The following FCRL1 variants were observed in gnomAD, a reference collection of about 807,000 sequenced individuals.
FCRL1 encodes Fc receptor-like protein 1.
In FCRL1, 34 loss-of-function variants were observed where a neutral mutation model predicts 49.2. The observed-to-expected ratio is 0.69, with a 90% CI of 0.53 to 0.92. FCRL1 has a LOEUF of 0.92. Among genes scored for constraint, FCRL1 ranks in the 40% least tolerant of loss-of-function variants. The pLI is 0.00. For synonymous variants in FCRL1, 218 were observed against 201.6 expected (o/e 1.08, Z -0.69); for missense variants, 524 against 524.1 (o/e 1.00, Z 0.00).
At position 157,796,067 on chromosome 1, in the gene FCRL1, A is replaced by G. The variant is rs1557886839; in HGVS notation, c.*32T>C. On this transcript the variant is annotated 3_prime_UTR_variant, in exon 11 of 11. Transcript: ENST00000368176. ...TCAGGCCTGAGGCTTGGGGTCATGG[A>G]TGGTTTTCAAAGAGCAGAATCTTCC... 3.8e-6 allele frequency: 6 copies of G among 1,589,388 alleles called. No homozygotes were observed. The highest frequency in any genetic ancestry group is 2.2e-5 in the East Asian group (1 of 44,772).
At position 157,820,062 on chromosome 1, in the gene FCRL1, T is replaced by C. The variant is rs1273087205; in HGVS notation, c.-25A>G. 2.5e-6 allele frequency: 4 copies of C among 1,613,930 alleles called. No individual in the cohort carries two copies. The South Asian group carries it at 4.4e-5, about 18-fold the overall frequency. ...TGAGGACCAGGTCAGGGATGGTACC[T>C]AGAGATGCCTCTCATCAAAAAAAGA... On this transcript the variant is annotated 5_prime_UTR_variant, in exon 1 of 11. Transcript: ENST00000368176.
At chr1:157,814,863 G>C (rs868610870) in intron 1 of FCRL1, among the ~76,000 whole-genome samples, 1 of 151,790 alleles carries the variant, frequency 6.6e-6, no homozygotes, top group Non-Finnish European at 1.5e-5. Flanking sequence ...CACAAAGAAG[G>C]CCATTGTATA....
chr1:157,798,304 A>C, intron 7 of FCRL1, 61 bp from the exon 8 acceptor site: 9 of 1,361,116 alleles, frequency 6.6e-6, no homozygotes, highest in Non-Finnish European at 9.2e-6. Context: ...TGCAGATATC[A>C]CACTGAAGGA....
intron 10 of FCRL1, 110 bp downstream of exon 10, chr1:157,796,991 G>A (rs1651594715): frequency 1.0e-6 from 1 of 994,960 alleles, no homozygotes; most frequent in East Asian, 2.4e-5. Context: ...TAGGGAAGAG[G>A]TAGACCATGG....
intron 1 of FCRL1, among the ~76,000 whole-genome samples, chr1:157,818,662 G>A (rs1341191537): frequency 1.3e-5 from 2 of 151,732 alleles, no homozygotes; most frequent in Non-Finnish European, 2.9e-5. Context: ...TGAGGCGTTG[G>A]AAAAAAAATT....
In FCRL1 at chr1:157,803,915, T is replaced by C. The variant is rs771928574; in HGVS notation, c.249A>G (p.Ser83=). 1.9e-6 allele frequency: 3 copies of C among 1,614,238 alleles called. No homozygotes were observed. Among genetic ancestry groups the C allele is most frequent in the Non-Finnish European group, 2.5e-6 (3 of 1,180,046 alleles). Residue 83 remains serine, a synonymous_variant, in exon 3 of 11, where the codon TCA becomes TCG. Coordinates refer to ENST00000368176, the MANE Select transcript of FCRL1 (RefSeq NM_052938.5). ...CCATTGTCTGTGCCTCGCACCAGTATGACCCTGTGTCTTCTTTCCACATGG... is the reference window on the plus strand; with the variant it reads ...CCATTGTCTGTGCCTCGCACCAGTACGACCCTGTGTCTTCTTTCCACATGG... ...IAAMWKEDTG[S]YWCEAQTMAS...
rs573529277 is a variant in FCRL1, at chr1:157,810,356, G to A, written c.32-3234C>T. Among the ~76,000 whole-genome samples the A allele has an allele frequency of 2.7e-4, 41 of 151,242 alleles. No homozygotes were observed. The South Asian group carries it at 8.4e-3, about 31-fold the overall frequency. ...CTGCCACCCAGGCTGGAATGCAGTG[G>A]CATGATCTTGGCTCATTGCAACCTC... On this transcript the variant is annotated intron_variant, in intron 1 of 10. Transcript: ENST00000368176.
chr1:157,804,020 G>C lies in FCRL1; in HGVS notation c.144C>G (p.Ala48=). 1.2e-6 allele frequency: 2 copies of C among 1,614,174 alleles called. No individual in the cohort carries two copies. The highest frequency in any genetic ancestry group is 1.1e-5 in the South Asian group (1 of 91,082). ...CKMPFLQSSD[A]QFQFCFFRDT... ...CTCTGAAAAAGCAGAACTGGAACTG[G>C]GCATCTGAACTCTGTAGAAAGGGCA... Residue 48 remains alanine, a synonymous_variant, in exon 3 of 11, where the codon GCC becomes GCG. Coordinates refer to ENST00000368176, the MANE Select transcript of FCRL1 (RefSeq NM_052938.5).
Position 157,804,282 on chromosome 1 carries a change from A to C in FCRL1, c.53-171T>G, listed in dbSNP as rs143216942. 1,482 of 677,334 alleles carry C rather than the reference A, an allele frequency of 2.2e-3. 20 individuals carry two copies. In the African/African-American group the frequency reaches 0.025, roughly 12 times the overall value. The allele number at this position is 677,334 out of a possible 1,614,324, so 42.0% of individuals were successfully genotyped here. A position where few individuals can be genotyped will look rare whatever the true frequency, so the allele number is the denominator to read the frequency against. ...AGTGGCCCATGGGCTTTCCTTTGCC[A>C]TGAACTCACCCTGCTCACCCCTGGT... is the stretch of plus-strand genomic sequence containing the variant. On this transcript the variant is annotated intron_variant, in intron 2 of 10. Transcript: ENST00000368176.
At chr1:157,803,359 T>G (rs1652851272) in intron 3 of FCRL1, among the ~76,000 whole-genome samples, 1 of 152,204 alleles carries the variant, frequency 6.6e-6, no homozygotes. Flanking sequence ...TGAAGCACTC[T>G]TTTCTTTCTA....
At chr1:157,808,350 A>G (rs544258370) in intron 1 of FCRL1, among the ~76,000 whole-genome samples, 2 of 152,364 alleles carry the variant, frequency 1.3e-5, no homozygotes, top group East Asian at 3.9e-4. Flanking sequence ...GATGGTCTTA[A>G]CTGTTTAGAT....
intron 1 of FCRL1, among the ~76,000 whole-genome samples, chr1:157,816,576 T>C (rs1655050066): frequency 6.6e-6 from 1 of 151,730 alleles, no homozygotes; most frequent in African/African-American, 2.4e-5. Flanking sequence ...AACATAATAA[T>C]TGAAGTCCTA....
chr1:157,819,960 C>T, intron 1 of FCRL1, 47 bp downstream of exon 1: 1 of 1,612,144 alleles, frequency 6.2e-7, no homozygotes, highest in Non-Finnish European at 8.5e-7. Context: ...GAAGCAGAGC[C>T]CAAGCATGAT....
chr1:157,805,154 C>T lies in FCRL1; in HGVS notation c.53-1043G>A, dbSNP rs370010538. Among the ~76,000 whole-genome samples the T allele has an allele frequency of 1.8e-4, 27 of 152,218 alleles. No individual in the cohort carries two copies. In the South Asian group the frequency reaches 1.9e-3, roughly 11 times the overall value. On this transcript the variant is annotated intron_variant, in intron 2 of 10. Coordinates refer to ENST00000368176, the MANE Select transcript of FCRL1 (RefSeq NM_052938.5). ...GAGTACAGGTGTGAGCCACCACTCCCGGCCTGGGGCTCTTTTCTGGTGATA... is the reference window on the plus strand; with the variant it reads ...GAGTACAGGTGTGAGCCACCACTCCTGGCCTGGGGCTCTTTTCTGGTGATA...
chr1:157,814,083 A>G (rs1654712440), intron 1 of FCRL1, among the ~76,000 whole-genome samples: 1 of 152,158 alleles, frequency 6.6e-6, no homozygotes, highest in Non-Finnish European at 1.5e-5. Flanking sequence ...GTAACTGCAT[A>G]AGAGAGTGTT....
At chr1:157,806,823 G>A (rs1653533275) in intron 2 of FCRL1, 1 of 352,494 alleles carries the variant, frequency 2.8e-6, no homozygotes, top group African/African-American at 2.1e-5. Context: ...CTCCCTCCCT[G>A]TGCTGGGACT....
At chr1:157,797,551 T>TATTGC in intron 9 of FCRL1, 1 of 608,134 alleles carries the variant, frequency 1.6e-6, no homozygotes, top group South Asian at 2.0e-5. Flanking sequence ...AATGACACCT[T>TATTGC]ATTGTAACTA....
intron 1 of FCRL1, among the ~76,000 whole-genome samples, chr1:157,816,786 T>TA (rs1383892866): frequency 1.8e-5 from 2 of 112,514 alleles, no homozygotes; most frequent in African/African-American, 9.8e-5. Context: ...TGCTGGATAA[T>TA]AGATAGATAG....
At position 157,801,894 on chromosome 1, in the gene FCRL1, G is replaced by C. The variant is rs775371441; in HGVS notation, c.886+21C>G. 2.5e-6 allele frequency: 4 copies of C among 1,601,764 alleles called. No homozygotes were observed. The South Asian group carries it at 4.5e-5, about 18-fold the overall frequency. On this transcript the variant is annotated intron_variant, in intron 5 of 10. Coordinates refer to ENST00000368176, the MANE Select transcript of FCRL1 (RefSeq NM_052938.5). ...TGGGAAGGAGACATTGACCAAGACA[G>C]TTCCATAGCCTGAGCTATACCTGTG...
Sources: gnomAD v4.1 joint callset for allele counts (sites outside exome capture counted in the v4.1 genomes callset) on GRCh38, gnomAD v4.1.1 for gene constraint, MANE v1.5 for transcripts, NCBI Gene and HGNC (gene_info 2026-07-23, HGNC 2026-07-21) for gene names.